TENM2: variants seen among roughly 807,000 people sequenced by gnomAD.
The protein encoded by TENM2 is teneurin-2.
TENM2 carries 52 observed loss-of-function variants against 245.2 expected under a neutral mutation model. That is an observed-to-expected ratio of 0.21 (90% confidence interval 0.17 to 0.27). The LOEUF is 0.27. Ranked by LOEUF, TENM2 falls within the 10% of genes least tolerant of loss-of-function variation. The pLI, the probability that TENM2 is intolerant of heterozygous loss-of-function variation, is 1.00. For missense variants in TENM2, 3,046 were observed against 3,666.8 expected (o/e 0.83, Z 4.37); for synonymous variants, 1,363 against 1,438.9 (o/e 0.95, Z 1.19).
chr5:167,575,374 A>G (rs575623705), intron 2 of TENM2, among the ~76,000 whole-genome samples: 16 of 152,322 alleles, frequency 1.1e-4, no homozygotes, highest in African/African-American at 2.2e-4. Context: ...GAACTGCACT[A>G]CTATGGCATT....
At chr5:167,622,947 T>C (rs1259380031) in intron 2 of TENM2, among the ~76,000 whole-genome samples, 2 of 152,174 alleles carry the variant, frequency 1.3e-5, no homozygotes, top group Non-Finnish European at 2.9e-5. Flanking sequence ...GCTTGACCTG[T>C]TTCCTAACAA....
chr5:167,400,920 T>A (rs1380754381), intron 2 of TENM2, among the ~76,000 whole-genome samples: 2 of 151,988 alleles, frequency 1.3e-5, no homozygotes, highest in Non-Finnish European at 2.9e-5. Context: ...TCCTTGTAGG[T>A]GCTTGATTAA....
chr5:167,134,521 A>G, the TENM2 span, among the ~76,000 whole-genome samples: 33,895 of 152,092 alleles, frequency 0.22, 5,873 homozygotes, highest in African/African-American at 0.47. Context: ...GTTTATTTTT[A>G]TGAGAGGTTG....
intron 2 of TENM2, among the ~76,000 whole-genome samples, chr5:167,781,380 A>C (rs1311473330): frequency 2.0e-5 from 3 of 152,236 alleles, no homozygotes; most frequent in Non-Finnish European, 2.9e-5. Flanking sequence ...AAAATGTGTT[A>C]ATACAAAGAA....
chr5:167,014,163 T>C, the TENM2 span, among the ~76,000 whole-genome samples: 4 of 150,300 alleles, frequency 2.7e-5, no homozygotes, highest in East Asian at 5.9e-4. Context: ...TCTAAAATGA[T>C]CATGAGCTTT....
chr5:167,215,814 A>C, the TENM2 span, among the ~76,000 whole-genome samples: 1 of 152,208 alleles, frequency 6.6e-6, no homozygotes, highest in Non-Finnish European at 1.5e-5. Context: ...TTTTACTTTC[A>C]GGTATCAATG....
intron 12 of TENM2, among the ~76,000 whole-genome samples, chr5:168,160,100 TC>T (rs1222647404): frequency 2.6e-5 from 4 of 152,194 alleles, no homozygotes; most frequent in Non-Finnish European, 5.9e-5. Flanking sequence ...GGTAGGTCTG[TC>T]ATTTAGTGTA....
chr5:168,219,231 G>T (rs531486523), intron 23 of TENM2, among the ~76,000 whole-genome samples: 2 of 152,258 alleles, frequency 1.3e-5, no homozygotes, highest in Admixed American at 6.5e-5. Flanking sequence ...AATTCCTGTT[G>T]CCTGCTTGCC....
chr5:167,909,481 A>G (rs1030798073), intron 3 of TENM2, among the ~76,000 whole-genome samples: 4 of 152,218 alleles, frequency 2.6e-5, no homozygotes, highest in Admixed American at 1.3e-4. Context: ...AAATTACTCA[A>G]TGAAATCTAC....
intron 2 of TENM2, among the ~76,000 whole-genome samples, chr5:167,627,413 A>G (rs1196047804): frequency 6.6e-6 from 1 of 152,192 alleles, no homozygotes; most frequent in Non-Finnish European, 1.5e-5. Context: ...AACTGCAGAA[A>G]AAGACCATAA....
At chr5:167,595,933 C>T (rs1009531893) in intron 2 of TENM2, among the ~76,000 whole-genome samples, 1 of 152,124 alleles carries the variant, frequency 6.6e-6, no homozygotes, top group African/African-American at 2.4e-5. Flanking sequence ...ACTGGAAAGA[C>T]AGAGTGACTG....
intron 7 of TENM2, among the ~76,000 whole-genome samples, chr5:168,080,923 G>A (rs1401343646): frequency 6.6e-6 from 1 of 152,210 alleles, no homozygotes; most frequent in African/African-American, 2.4e-5. Context: ...TTGGGATGGA[G>A]AGTTCTGTAG....
chr5:168,263,960 A>AT (rs1768430483), downstream of TENM2: 1 of 152,624 alleles, frequency 6.6e-6, no homozygotes, highest in Admixed American at 6.5e-5. Flanking sequence ...AATTTTAAAA[A>AT]TTAAAAAAAC....
At chr5:167,706,907 T>C (rs914045297) in intron 2 of TENM2, among the ~76,000 whole-genome samples, 1 of 149,738 alleles carries the variant, frequency 6.7e-6, no homozygotes, top group Non-Finnish European at 1.5e-5. Flanking sequence ...CCCAGCTACT[T>C]GGGAGGCTGA....
chr5:167,915,627 C>G (rs145100350), intron 3 of TENM2, among the ~76,000 whole-genome samples: 178 of 152,266 alleles, frequency 1.2e-3, no homozygotes, highest in African/African-American at 4.1e-3. Flanking sequence ...TCCCCATTCT[C>G]CAATCCCTCC....
At chr5:167,592,029 T>G (rs1775910813) in intron 2 of TENM2, among the ~76,000 whole-genome samples, 1 of 152,176 alleles carries the variant, frequency 6.6e-6, no homozygotes, top group Non-Finnish European at 1.5e-5. Flanking sequence ...AGGTGGGTAT[T>G]CCATGCCACA....
chr5:167,533,233 C>T (rs1771629638), intron 2 of TENM2, among the ~76,000 whole-genome samples: 1 of 152,046 alleles, frequency 6.6e-6, no homozygotes, highest in Non-Finnish European at 1.5e-5. Flanking sequence ...TAAAGCAAAA[C>T]AGTGGATTCG....
Position 167,962,294 on chromosome 5 carries a change from G to GA in TENM2, c.947+9485dup, listed in dbSNP as rs11324621. On this transcript the variant is annotated intron_variant, in intron 4 of 28. Coordinates refer to ENST00000518659, the Ensembl canonical transcript of TENM2. ...CCAAAACCTTGACATCCATCAAAAG[G>GA]AAAAAAAAAAAAATGAGACAACATC... 1.4e-3 allele frequency among the ~76,000 whole-genome samples: 194 copies of GA among 140,072 alleles called. 1 individual carries two copies. The highest frequency in any genetic ancestry group is 9.2e-3 in the South Asian group (40 of 4,360). The allele number at this position is 140,072 out of a possible 152,430, so 91.9% of individuals were successfully genotyped here.
chr5:167,181,436 TG>T, the TENM2 span, among the ~76,000 whole-genome samples: 39 of 144,368 alleles, frequency 2.7e-4, no homozygotes, highest in Non-Finnish European at 4.1e-4. Flanking sequence ...CTCAGTTCTC[TG>T]TTTTTTTTTT....
Sources: gnomAD v4.1 joint callset for allele counts (sites outside exome capture counted in the v4.1 genomes callset) on GRCh38, gnomAD v4.1.1 for gene constraint, MANE v1.5 for transcripts, NCBI Gene and HGNC (gene_info 2026-07-23, HGNC 2026-07-21) for gene names.